GRIN2A: variants seen among roughly 807,000 people sequenced by gnomAD.
The protein encoded by GRIN2A is glutamate ionotropic receptor NMDA type subunit 2A, also known as glutamate receptor ionotropic, NMDA 2A.
GRIN2A carries 22 observed loss-of-function variants against 113.4 expected under a neutral mutation model. The observed-to-expected ratio is 0.19, with a 90% CI of 0.14 to 0.28. GRIN2A has a LOEUF of 0.28. GRIN2A is among the 10% of genes least tolerant of loss of function. GRIN2A has a pLI of 1.00. For synonymous variants in GRIN2A, 827 were observed against 738.4 expected (o/e 1.12, Z -1.94); for missense variants, 1,502 against 1,887.0 (o/e 0.80, Z 3.78).
intron 3 of GRIN2A, 65 bp downstream of exon 3, chr16:9,937,894 G>T: frequency 8.8e-7 from 1 of 1,141,522 alleles, no homozygotes; most frequent in South Asian, 1.3e-5. Flanking sequence ...GAGTATGTAA[G>T]CAAGCAAACA....
At chr16:9,884,175 GTTAAC>G (rs1057267580) in intron 4 of GRIN2A, among the ~76,000 whole-genome samples, 23 of 151,988 alleles carry the variant, frequency 1.5e-4, no homozygotes, top group African/African-American at 4.6e-4. Context: ...ATTTTTATTT[GTTAAC>G]TTAAACAAAT....
chr16:10,070,258 C>T (rs1454241620), intron 2 of GRIN2A, among the ~76,000 whole-genome samples: 1 of 152,138 alleles, frequency 6.6e-6, no homozygotes, highest in Non-Finnish European at 1.5e-5. Flanking sequence ...ATTTAGGCCT[C>T]CTGACTTTGT....
intron 11 of GRIN2A, among the ~76,000 whole-genome samples, chr16:9,787,860 G>A (rs1902325175): frequency 6.6e-6 from 1 of 152,134 alleles, no homozygotes; most frequent in African/African-American, 2.4e-5. Context: ...TAATTGGGCT[G>A]AGGCTGCTGG....
At chr16:9,805,500 G>A (rs1234565914) in intron 10 of GRIN2A, 1 of 152,104 alleles carries the variant, frequency 6.6e-6, no homozygotes, top group African/African-American at 2.4e-5. Context: ...CCCTTGCCAG[G>A]AAGAGGAACA....
intron 9 of GRIN2A, among the ~76,000 whole-genome samples, chr16:9,828,601 G>A (rs1489292919): frequency 6.6e-6 from 1 of 152,234 alleles, no homozygotes; most frequent in Non-Finnish European, 1.5e-5. Context: ...AGCTTAGCAA[G>A]TCAGGATGTT....
intron 4 of GRIN2A, among the ~76,000 whole-genome samples, chr16:9,875,274 A>G (rs900644759): frequency 4.6e-5 from 7 of 152,054 alleles, no homozygotes; most frequent in Non-Finnish European, 1.0e-4. Context: ...TCAAGGTACA[A>G]GTTCTTCAGA....
At chr16:9,879,562 A>G (rs1256256038) in intron 4 of GRIN2A, among the ~76,000 whole-genome samples, 3 of 152,116 alleles carry the variant, frequency 2.0e-5, no homozygotes, top group African/African-American at 7.2e-5. Flanking sequence ...CTCTAACCCA[A>G]GCCACGTAAA....
rs1311821126 is a variant in GRIN2A at position 9,840,920 on chromosome 16, T to G, written c.1497+16A>C. ...TTTGTCTGAGTAAGAGCCTAGGGGA[T>G]GAAAAGATAACTTACTTCACCGATC... On this transcript the variant is annotated intron_variant, in intron 6 of 12. Transcript: ENST00000330684. 6.2e-7 allele frequency: 1 copy of G among 1,613,146 alleles called. No homozygotes were observed. Among genetic ancestry groups the G allele is most frequent in the South Asian group, 1.1e-5 (1 of 91,056 alleles).
intron 8 of GRIN2A, among the ~76,000 whole-genome samples, chr16:9,831,335 AAG>A (rs1308276419): frequency 1.3e-4 from 20 of 152,050 alleles, no homozygotes; most frequent in African/African-American, 3.9e-4. Context: ...TGTTCTTGAC[AAG>A]TTCCAAGTCA....
intron 2 of GRIN2A, among the ~76,000 whole-genome samples, chr16:10,018,300 G>C (rs556350583): frequency 6.6e-6 from 1 of 152,294 alleles, no homozygotes; most frequent in East Asian, 1.9e-4. Flanking sequence ...TAAGAATTCT[G>C]ATCTCAGTAA....
chr16:9,807,453 G>GAGAA (rs2042005658), intron 10 of GRIN2A, among the ~76,000 whole-genome samples: 2 of 151,590 alleles, frequency 1.3e-5, no homozygotes, highest in Admixed American at 1.3e-4. Flanking sequence ...CAGAGAGAGA[G>GAGAA]AGAAAGAGAA....
chr16:10,045,539 T>C (rs1596458758), intron 2 of GRIN2A, among the ~76,000 whole-genome samples: 1 of 152,322 alleles, frequency 6.6e-6, no homozygotes, highest in South Asian at 2.1e-4. Flanking sequence ...CTGACTGATC[T>C]TCTGCCAGAG....
chr16:10,151,814 C>T (rs1284511246), intron 2 of GRIN2A, among the ~76,000 whole-genome samples: 6 of 152,182 alleles, frequency 3.9e-5, no homozygotes, highest in African/African-American at 1.2e-4. Context: ...GAATTACCAA[C>T]GTGTTATAAA....
At chr16:10,181,017 C>T (rs986097683) in intron 1 of GRIN2A, among the ~76,000 whole-genome samples, 17 of 152,184 alleles carry the variant, frequency 1.1e-4, no homozygotes, top group Admixed American at 1.0e-3. Flanking sequence ...TTGCTCTACG[C>T]CCAGCCCCAA....
At chr16:10,010,963 A>G (rs981109212) in intron 2 of GRIN2A, among the ~76,000 whole-genome samples, 1 of 152,192 alleles carries the variant, frequency 6.6e-6, no homozygotes, top group African/African-American at 2.4e-5. Context: ...CTAAACGTTC[A>G]GGCTTGCTGG....
At chr16:9,978,776 A>C (rs1235750003) in intron 2 of GRIN2A, among the ~76,000 whole-genome samples, 1 of 152,202 alleles carries the variant, frequency 6.6e-6, no homozygotes, top group Non-Finnish European at 1.5e-5. Flanking sequence ...TGTATTCGGA[A>C]CGGATGTTCC....
intron 2 of GRIN2A, among the ~76,000 whole-genome samples, chr16:10,140,266 C>A (rs1477184476): frequency 6.6e-6 from 1 of 151,574 alleles, no homozygotes; most frequent in Non-Finnish European, 1.5e-5. Flanking sequence ...TTTGTTTTGC[C>A]GGCAAAACAC....
intron 8 of GRIN2A, 33 bp downstream of exon 8, chr16:9,834,072 A>C (rs745743758): frequency 7.0e-5 from 112 of 1,607,972 alleles, no homozygotes; most frequent in Admixed American, 5.2e-4. Context: ...AAATTGCAAC[A>C]ACATTGAATC....
At chr16:9,781,442 C>T (rs1469782177) in intron 11 of GRIN2A, among the ~76,000 whole-genome samples, 1 of 152,098 alleles carries the variant, frequency 6.6e-6, no homozygotes, top group Non-Finnish European at 1.5e-5. Context: ...CTCTCTGCAG[C>T]CTCAACCTCC....
Sources: gnomAD v4.1 joint callset for allele counts (sites outside exome capture counted in the v4.1 genomes callset) on GRCh38, gnomAD v4.1.1 for gene constraint, MANE v1.5 for transcripts, NCBI Gene and HGNC (gene_info 2026-07-23, HGNC 2026-07-21) for gene names.